MYO3B: variants seen among roughly 807,000 people sequenced by gnomAD.
MYO3B encodes the protein myosin-IIIb.
Under a neutral mutation model 174.6 loss-of-function variants are expected in MYO3B, and 156 were observed. The ratio of observed to expected loss-of-function variants is 0.89; its 90% CI spans 0.78 to 1.02. MYO3B has a LOEUF of 1.02. Ranked by LOEUF, MYO3B falls within the 50% of genes least tolerant of loss-of-function variation. MYO3B has a pLI of 0.00. For synonymous variants in MYO3B, 563 were observed against 569.1 expected (o/e 0.99, Z 0.15); for missense variants, 1,632 against 1,639.4 (o/e 1.00, Z 0.08).
At chr2:170,510,729 C>A (rs183477424) in intron 28 of MYO3B, among the ~76,000 whole-genome samples, 2 of 151,852 alleles carry the variant, frequency 1.3e-5, no homozygotes, top group Admixed American at 6.6e-5. Context: ...CATCCACCCC[C>A]CTCACCCTCA....
chr2:170,560,267 A>G (rs1289388570), intron 32 of MYO3B, among the ~76,000 whole-genome samples: 1 of 152,154 alleles, frequency 6.6e-6, no homozygotes, highest in Non-Finnish European at 1.5e-5. Flanking sequence ...ACTGCATTTG[A>G]GTGGGACCAA....
At chr2:170,370,578 C>T (rs898788575) in intron 9 of MYO3B, among the ~76,000 whole-genome samples, 1 of 149,656 alleles carries the variant, frequency 6.7e-6, no homozygotes, top group African/African-American at 2.4e-5. Flanking sequence ...CTCTTTTCTT[C>T]CTTGTTTTGG....
intron 25 of MYO3B, among the ~76,000 whole-genome samples, chr2:170,476,948 T>C (rs1374336753): frequency 6.6e-6 from 1 of 152,120 alleles, no homozygotes; most frequent in East Asian, 1.9e-4. Flanking sequence ...CAGACATGGC[T>C]TTTGTTCATA....
At chr2:170,567,761 G>T (rs1692160852) in intron 32 of MYO3B, among the ~76,000 whole-genome samples, 1 of 152,172 alleles carries the variant, frequency 6.6e-6, no homozygotes. Context: ...GACTCCAGGT[G>T]TTTGGAGAGT....
At position 170,372,134 on chromosome 2, in the gene MYO3B, A is replaced by AAG. The variant is rs1237563594; in HGVS notation, c.971+2758_971+2759insGA. Among the ~76,000 whole-genome samples the AAG allele has an allele frequency of 1.3e-4, 18 of 143,006 alleles. No individual in the cohort carries two copies. The South Asian group carries it at 4.0e-3, about 32-fold the overall frequency. The allele number at this position is 143,006 out of a possible 152,430, so 93.8% of individuals were successfully genotyped here. A position where few individuals can be genotyped will look rare whatever the true frequency, so the allele number is the denominator to read the frequency against. ...ACCCTGTCTCAAAAAAAAAAAAAAA[A>AAG]AAAAAAAAAAACAACAACAACAAAG... On this transcript the variant is annotated intron_variant, in intron 9 of 34. Coordinates refer to ENST00000408978, the MANE Select transcript of MYO3B (RefSeq NM_138995.5).
At chr2:170,480,669 A>G (rs1474969685) in intron 25 of MYO3B, among the ~76,000 whole-genome samples, 1 of 152,180 alleles carries the variant, frequency 6.6e-6, no homozygotes, top group Non-Finnish European at 1.5e-5. Context: ...TGAGCCCTCA[A>G]CCAGTGGGAT....
intron 1 of MYO3B, among the ~76,000 whole-genome samples, chr2:170,189,389 TATC>T (rs752695644): frequency 1.3e-4 from 20 of 152,184 alleles, no homozygotes; most frequent in Non-Finnish European, 2.2e-4. Context: ...GGTTCTCTGT[TATC>T]ATCCCTTTGA....
intron 32 of MYO3B, among the ~76,000 whole-genome samples, chr2:170,629,357 T>TC (rs1284779646): frequency 6.6e-6 from 1 of 152,086 alleles, no homozygotes; most frequent in Non-Finnish European, 1.5e-5. Context: ...GGCTACAGAG[T>TC]CTTAGATCTT....
chr2:170,356,030 G>A (rs1024679212), intron 8 of MYO3B, among the ~76,000 whole-genome samples: 9 of 151,902 alleles, frequency 5.9e-5, no homozygotes, highest in South Asian at 2.1e-4. Context: ...GCGTGATCTC[G>A]GCTCACTGCA....
intron 32 of MYO3B, among the ~76,000 whole-genome samples, chr2:170,642,195 C>CTCAT (rs112933967): frequency 0.062 from 9,482 of 152,008 alleles, 376 homozygotes; most frequent in East Asian, 0.12. Flanking sequence ...CACTCATTCA[C>CTCAT]TCATTCATTC....
chr2:170,460,544 A>G (rs113395727), intron 23 of MYO3B, among the ~76,000 whole-genome samples: 2 of 150,796 alleles, frequency 1.3e-5, no homozygotes, highest in African/African-American at 4.8e-5. Context: ...CACAGTACTA[A>G]GTATGTAGGT....
At chr2:170,639,527 A>C (rs553270839) in intron 32 of MYO3B, among the ~76,000 whole-genome samples, 25 of 152,344 alleles carry the variant, frequency 1.6e-4, no homozygotes, top group African/African-American at 6.0e-4. Context: ...AGACTCCTAA[A>C]AATAGAAAGA....
At chr2:170,257,766 AG>A (rs2093316462) in intron 7 of MYO3B, among the ~76,000 whole-genome samples, 1 of 152,102 alleles carries the variant, frequency 6.6e-6, no homozygotes, top group African/African-American at 2.4e-5. Context: ...CAAAATACAA[AG>A]GATCAATGAA....
intron 7 of MYO3B, among the ~76,000 whole-genome samples, chr2:170,268,440 T>G (rs1338844161): frequency 6.6e-6 from 1 of 152,168 alleles, no homozygotes; most frequent in African/African-American, 2.4e-5. Flanking sequence ...CCAGAGTGAT[T>G]TAAAGAAAGA....
intron 1 of MYO3B, among the ~76,000 whole-genome samples, chr2:170,185,177 G>T (rs749393980): frequency 6.6e-6 from 1 of 152,036 alleles, no homozygotes; most frequent in African/African-American, 2.4e-5. Flanking sequence ...TTTTAAACTT[G>T]ATGTAATCCC....
chr2:170,582,158 C>T (rs1189099551), intron 32 of MYO3B, among the ~76,000 whole-genome samples: 2 of 152,130 alleles, frequency 1.3e-5, no homozygotes, highest in Non-Finnish European at 2.9e-5. Flanking sequence ...GTTTTAGGAC[C>T]GTAATCAGAT....
chr2:170,234,171 AAAAAAAAAAAAAAAAACAAAACAAAAC>A (rs1459335039), intron 6 of MYO3B, among the ~76,000 whole-genome samples: 3 of 11,812 alleles, frequency 2.5e-4, no homozygotes, highest in Non-Finnish European at 1.2e-3. Flanking sequence ...ACTCCGTCTC[AAAAAAAAAAAAAAAAACAAAACAAAAC>A]AAAAAAAAAA....
chr2:170,233,064 C>A (rs1264027351), intron 6 of MYO3B, among the ~76,000 whole-genome samples: 7 of 152,322 alleles, frequency 4.6e-5, no homozygotes, highest in African/African-American at 1.7e-4. Flanking sequence ...CTTAGAATTG[C>A]CTTTTGTGTC....
chr2:170,502,228 G>A (rs980330551), intron 28 of MYO3B, among the ~76,000 whole-genome samples: 8 of 152,140 alleles, frequency 5.3e-5, no homozygotes, highest in African/African-American at 1.9e-4. Flanking sequence ...AGTCAGCATC[G>A]CATACTGCCA....
Sources: gnomAD v4.1 joint callset for allele counts (sites outside exome capture counted in the v4.1 genomes callset) on GRCh38, gnomAD v4.1.1 for gene constraint, MANE v1.5 for transcripts, NCBI Gene and HGNC (gene_info 2026-07-23, HGNC 2026-07-21) for gene names.